SLC25A43: variants seen among roughly 807,000 people sequenced by gnomAD.
SLC25A43 encodes solute carrier family 25, member 43.
Under a neutral mutation model 22.8 loss-of-function variants are expected in SLC25A43, and 10 were observed. That is an observed-to-expected ratio of 0.44 (90% CI 0.27 to 0.74). The LOEUF is 0.74. Among genes scored for constraint, SLC25A43 ranks in the 30% least tolerant of loss-of-function variants. SLC25A43 has a pLI of 0.17. For synonymous variants in SLC25A43, 106 were observed against 121.6 expected, an observed-to-expected ratio of 0.87 and a Z score of 0.84; for missense variants, 233 against 279.1, an observed-to-expected ratio of 0.83 and a Z score of 1.18.
intron 3 of SLC25A43, among the ~76,000 whole-genome samples, chrX:119,420,642 A>C (rs2052444088): frequency 8.9e-6 from 1 of 111,844 alleles, no homozygotes; most frequent in East Asian, 2.8e-4. Context: ...CCCCAGAGAA[A>C]AAAGGCTGAG....
chrX:119,428,742 G>A (rs890013334), intron 3 of SLC25A43, among the ~76,000 whole-genome samples: 10 of 112,289 alleles, frequency 8.9e-5, no homozygotes, highest in Non-Finnish European at 1.3e-4. Context: ...GCCACACAGC[G>A]TGAAGTGAGT....
At chrX:119,449,123 A>G (rs908959201) in intron 3 of SLC25A43, among the ~76,000 whole-genome samples, 2 of 110,858 alleles carry the variant, frequency 1.8e-5, no homozygotes, top group Non-Finnish European at 3.8e-5. Flanking sequence ...GCTGTAGTAT[A>G]AAGAATGAGG....
At chrX:119,441,631 G>GGATTTTACAGTGATTAA (rs1264115655) in intron 3 of SLC25A43, among the ~76,000 whole-genome samples, 1 of 111,106 alleles carries the variant, frequency 9.0e-6, no homozygotes, top group Non-Finnish European at 1.9e-5. Flanking sequence ...TGGTTGATTT[G>GGATTTTACAGTGATTAA]GATTTTACAG....
chrX:119,428,719 G>A (rs900401094), intron 3 of SLC25A43, among the ~76,000 whole-genome samples: 10 of 112,379 alleles, frequency 8.9e-5, no homozygotes, highest in Non-Finnish European at 1.9e-4. Flanking sequence ...TGGCCTGTTA[G>A]GAACCTGGCT....
intron 3 of SLC25A43, among the ~76,000 whole-genome samples, chrX:119,447,656 A>T (rs1293592840): frequency 9.0e-6 from 1 of 110,841 alleles, no homozygotes; most frequent in East Asian, 2.8e-4. Context: ...GTTTAGATCC[A>T]ATGGTCACTT....
chrX:119,434,862 C>T (rs2052586893), intron 3 of SLC25A43: 3 of 109,751 alleles, frequency 2.7e-5, no homozygotes, highest in South Asian at 3.9e-4. Flanking sequence ...TCCGCTGCGA[C>T]GTCCAGGTTG....
At chrX:119,427,166 C>A (rs1248630850) in intron 3 of SLC25A43, among the ~76,000 whole-genome samples, 1 of 111,289 alleles carries the variant, frequency 9.0e-6, no homozygotes, top group Admixed American at 9.6e-5. Context: ...GGCCTGTGAC[C>A]CAGGCCTCAG....
intron 4 of SLC25A43, 23 bp downstream of exon 4, chrX:119,452,166 G>A (rs371021624): frequency 2.6e-5 from 31 of 1,173,552 alleles, no homozygotes; most frequent in Non-Finnish European, 3.2e-5. Context: ...ACCAGCCTCC[G>A]CTGCTCCCCT....
At chrX:119,428,656 C>T (rs2052528525) in intron 3 of SLC25A43, among the ~76,000 whole-genome samples, 1 of 112,242 alleles carries the variant, frequency 8.9e-6, no homozygotes, top group African/African-American at 3.2e-5. Context: ...ACATTTTTCA[C>T]GCACATGCAA....
chrX:119,424,232 GAAAT>G lies in SLC25A43; in HGVS notation c.690+13871_690+13874del, dbSNP rs1478138984. On this transcript the variant is annotated intron_variant, in intron 3 of 4. Transcript: ENST00000217909. Reference sequence around the variant, plus strand: ...CGTCTCAAAAAAAAAAAAAAAGAAAGAAATTATAATAATATAATAATAACTACCA... The same window carrying G: ...CGTCTCAAAAAAAAAAAAAAAGAAAGTATAATAATATAATAATAACTACCA... Among the ~76,000 whole-genome samples, 658 of 108,514 alleles carry G rather than the reference GAAAT, an allele frequency of 6.1e-3. 4 individuals are homozygous for G. The highest frequency in any genetic ancestry group is 0.011 in the Non-Finnish European group (585 of 52,166). 94.2% of individuals were successfully genotyped at this position (108,514 alleles called of 115,157 possible). A position where few individuals can be genotyped will look rare whatever the true frequency, so the allele number is the denominator to read the frequency against.
intron 3 of SLC25A43, among the ~76,000 whole-genome samples, chrX:119,417,276 A>G (rs972346327): frequency 3.7e-5 from 4 of 108,691 alleles, no homozygotes; most frequent in Non-Finnish European, 7.6e-5. Flanking sequence ...AAAAAAAAAA[A>G]TTACCCAGGT....
Position 119,453,313 on chromosome X carries a change from C to T in SLC25A43, c.*248C>T. On this transcript the variant is annotated 3_prime_UTR_variant, in exon 5 of 5. Transcript: ENST00000217909. ...TTCCACGAGATTTTATAACCAGAGT[C>T]TAGCAGTGATAAAATGTACAATTTA... 2.7e-6 allele frequency: 1 copy of T among 368,389 alleles called. No individual in the cohort carries two copies. The highest frequency in any genetic ancestry group is 5.1e-5 in the South Asian group (1 of 19,438). The allele number at this position is 368,389 out of a possible 1,213,427, so 30.4% of individuals were successfully genotyped here. A position where few individuals can be genotyped will look rare whatever the true frequency, so the allele number is the denominator to read the frequency against.
chrX:119,441,716 A>T (rs1217534433), intron 3 of SLC25A43, among the ~76,000 whole-genome samples: 2 of 111,229 alleles, frequency 1.8e-5, no homozygotes, highest in African/African-American at 6.5e-5. Context: ...AGCACCAAGA[A>T]ATTTAGATTT....
At chrX:119,430,762 T>C (rs1048889475) in intron 3 of SLC25A43, among the ~76,000 whole-genome samples, 1 of 112,278 alleles carries the variant, frequency 8.9e-6, no homozygotes, top group Non-Finnish European at 1.9e-5. Context: ...CAGCTAACGG[T>C]TGAGATGTAC....
chrX:119,409,726 C>G (rs763255245), intron 2 of SLC25A43, among the ~76,000 whole-genome samples: 1 of 110,444 alleles, frequency 9.1e-6, no homozygotes, highest in Non-Finnish European at 1.9e-5. Flanking sequence ...AGTGATTCTT[C>G]TGTCTCAGTC....
intron 1 of SLC25A43, among the ~76,000 whole-genome samples, chrX:119,405,464 T>C (rs1461177589): frequency 9.1e-6 from 1 of 109,356 alleles, no homozygotes; most frequent in African/African-American, 3.3e-5. Context: ...GATGCTCTCA[T>C]TTTAAAAAGA....
chrX:119,418,438 T>C (rs1272095564), intron 3 of SLC25A43, among the ~76,000 whole-genome samples: 1 of 111,901 alleles, frequency 8.9e-6, no homozygotes, highest in African/African-American at 3.2e-5. Flanking sequence ...CAGGTGTCTG[T>C]TGGATAACGA....
intron 3 of SLC25A43, among the ~76,000 whole-genome samples, chrX:119,435,227 T>C (rs1194370386): frequency 3.6e-5 from 4 of 111,381 alleles, no homozygotes; most frequent in Non-Finnish European, 7.5e-5. Flanking sequence ...CTGGAACCAC[T>C]TCCTACTGGC....
intron 3 of SLC25A43, among the ~76,000 whole-genome samples, chrX:119,435,460 T>C (rs1020728605): frequency 1.9e-4 from 4 of 20,726 alleles, no homozygotes; most frequent in Non-Finnish European, 2.5e-4. Context: ...TTTTATTCTT[T>C]TTTTTTTTTT....
Sources: allele counts gnomAD v4.1 joint callset (sites outside exome capture counted in the v4.1 genomes callset), GRCh38; gene constraint gnomAD v4.1.1; transcripts MANE v1.5; gene names NCBI Gene and HGNC (gene_info 2026-07-23, HGNC 2026-07-21).